The following USH2A variants were observed in gnomAD, a reference collection of about 807,000 sequenced individuals.
USH2A encodes usherin.
A neutral mutation model predicts 538.9 loss-of-function variants in USH2A; 443 were observed. The observed-to-expected ratio is 0.82, with a 90% CI of 0.76 to 0.89. The LOEUF (loss-of-function observed/expected upper bound fraction) is 0.89, where lower values mean the gene tolerates loss of function less well. Ranked by LOEUF, USH2A falls within the 40% of genes least tolerant of loss-of-function variation. The probability of loss-of-function intolerance (pLI) is 0.00; values close to 1 mark genes in which losing one functional copy is unlikely to be tolerated. For synonymous variants in USH2A, 2,413 were observed against 2,273.5 expected (o/e 1.06, Z -1.75); for missense variants, 6,633 against 6,324.8 (o/e 1.05, Z -1.65).
Position 216,302,686 on chromosome 1 carries a change from A to G in USH2A, c.1645-10316T>C, listed in dbSNP as rs147083026. ...TCATACATAGTTACTTCAATATTTC[A>G]ACTATTAATATAAGTGGCTATTTTT... On this transcript the variant is annotated intron_variant, in intron 9 of 71. Transcript: ENST00000307340. Among the ~76,000 whole-genome samples, 4 of 152,252 alleles carry G rather than the reference A, an allele frequency of 2.6e-5. No individual in the cohort carries two copies. The East Asian group carries it at 7.7e-4, about 29-fold the overall frequency.
intron 11 of USH2A, among the ~76,000 whole-genome samples, chr1:216,257,176 C>T (rs2036276212): frequency 6.6e-6 from 1 of 151,608 alleles, no homozygotes; most frequent in Non-Finnish European, 1.5e-5. Context: ...ATTTTATTTC[C>T]TACTGAAGGA....
At chr1:216,167,722 C>T (rs950378972) in intron 21 of USH2A, among the ~76,000 whole-genome samples, 3 of 152,082 alleles carry the variant, frequency 2.0e-5, no homozygotes, top group African/African-American at 7.2e-5. Context: ...ACTTTATTTC[C>T]TTTCATTCCT....
At chr1:216,044,022 C>T (rs932715029) in intron 32 of USH2A, among the ~76,000 whole-genome samples, 6 of 113,430 alleles carry the variant, frequency 5.3e-5, no homozygotes, top group Non-Finnish European at 7.9e-5. Flanking sequence ...CATTCTTTCA[C>T]TCTAACACTT....
At chr1:216,172,060 T>G (rs2034285467) in intron 21 of USH2A, among the ~76,000 whole-genome samples, 1 of 152,054 alleles carries the variant, frequency 6.6e-6, no homozygotes, top group Admixed American at 6.6e-5. Flanking sequence ...TTATTTACAG[T>G]ATTAAGCTTG....
chr1:216,125,493 G>A (rs895148221), intron 21 of USH2A, among the ~76,000 whole-genome samples: 7 of 152,190 alleles, frequency 4.6e-5, no homozygotes, highest in Admixed American at 3.9e-4. Flanking sequence ...AATGAAGGAG[G>A]ACCACTACAT....
At chr1:216,258,304 C>G (rs1057374022) in intron 11 of USH2A, among the ~76,000 whole-genome samples, 1 of 152,070 alleles carries the variant, frequency 6.6e-6, no homozygotes, top group Non-Finnish European at 1.5e-5. Context: ...TTTGTGTACT[C>G]TTATCAAATA....
In USH2A at chr1:215,987,474, C is replaced by T. The variant is rs182169377; in HGVS notation, c.6805+5546G>A. 5.9e-5 allele frequency among the ~76,000 whole-genome samples: 9 copies of T among 152,192 alleles called. No homozygotes were observed. In the East Asian group the frequency reaches 1.7e-3, roughly 29 times the overall value. ...TCACAGCCTGTAAAGAACACCTTTGCCAGAGGGAACGTGGGTGCAAAGGAC... is the reference window on the plus strand; with the variant it reads ...TCACAGCCTGTAAAGAACACCTTTGTCAGAGGGAACGTGGGTGCAAAGGAC... On this transcript the variant is annotated intron_variant, in intron 35 of 71. Coordinates refer to ENST00000307340, the MANE Select transcript of USH2A (RefSeq NM_206933.4).
At chr1:215,777,502 T>C (rs941795857) in intron 55 of USH2A, among the ~76,000 whole-genome samples, 1 of 152,246 alleles carries the variant, frequency 6.6e-6, no homozygotes, top group Non-Finnish European at 1.5e-5. Flanking sequence ...GTGAAACCTT[T>C]GCTGGTACAG....
intron 44 of USH2A, among the ~76,000 whole-genome samples, chr1:215,858,358 G>A (rs561719075): frequency 6.6e-6 from 1 of 151,686 alleles, no homozygotes; most frequent in Non-Finnish European, 1.5e-5. Context: ...ATGTGTCAAG[G>A]GCAGGACCTG....
chr1:215,748,987 T>C (rs948835276), intron 58 of USH2A, among the ~76,000 whole-genome samples: 2 of 152,228 alleles, frequency 1.3e-5, no homozygotes, highest in Admixed American at 6.5e-5. Flanking sequence ...TCATATAAAG[T>C]TGCTATTCCA....
chr1:215,703,397 C>T (rs1421927935), intron 61 of USH2A, among the ~76,000 whole-genome samples: 3 of 152,202 alleles, frequency 2.0e-5, no homozygotes, highest in Admixed American at 6.5e-5. Context: ...TTTAAGTCTG[C>T]TGAAGTTGCA....
At chr1:215,878,006 GT>G in intron 42 of USH2A, 126 bp from the exon 43 acceptor site, 1 of 1,337,616 alleles carries the variant, frequency 7.5e-7, no homozygotes, top group Non-Finnish European at 1.0e-6. Context: ...AACATCTTAA[GT>G]TTACAGTTAC....
At chr1:216,062,515 G>GAATT (rs2031219007) in intron 30 of USH2A, among the ~76,000 whole-genome samples, 1 of 152,152 alleles carries the variant, frequency 6.6e-6, no homozygotes, top group East Asian at 1.9e-4. Flanking sequence ...AGGTAACTAT[G>GAATT]AATTCATTGA....
chr1:215,900,760 A>G lies in USH2A; in HGVS notation c.7446T>C (p.Phe2482=). The change falls in exon 39 of 72, where the codon TTT becomes TTC. Residue 2482 remains phenylalanine (F), a synonymous_variant. Transcript: ENST00000307340. The stretch of plus-strand genomic sequence containing the variant: ...GGACAAAGTAGAATGCTCACTCTAG[A>G]AATCCATGGGTGGAGTCGCCAGACC... The part of the protein sequence containing the change: ...QMRSGDSTHG[F]LELFSNPSAS... 6.2e-7 allele frequency: 1 copy of G among 1,613,618 alleles called. No homozygotes were observed. Among genetic ancestry groups the G allele is most frequent in the Middle Eastern group, 1.7e-4 (1 of 6,048 alleles).
At chr1:215,996,502 A>G (rs536604861) in intron 34 of USH2A, among the ~76,000 whole-genome samples, 1 of 142,904 alleles carries the variant, frequency 7.0e-6, no homozygotes, top group South Asian at 2.3e-4. Context: ...CTTTATTAGG[A>G]GCTATCACAT....
chr1:216,339,267 T>C (rs2038030683), intron 4 of USH2A, among the ~76,000 whole-genome samples: 2 of 151,564 alleles, frequency 1.3e-5, no homozygotes, highest in African/African-American at 4.8e-5. Flanking sequence ...TGTATTTTTA[T>C]ATATGTGCAT....
chr1:215,840,433 T>C (rs1663647266), intron 46 of USH2A, among the ~76,000 whole-genome samples: 1 of 152,048 alleles, frequency 6.6e-6, no homozygotes, highest in Admixed American at 6.6e-5. Flanking sequence ...TCACAAAAAA[T>C]ATAGTAATCA....
intron 61 of USH2A, among the ~76,000 whole-genome samples, chr1:215,714,378 T>A (rs762492585): frequency 6.6e-6 from 1 of 152,076 alleles, no homozygotes; most frequent in Non-Finnish European, 1.5e-5. Context: ...CAGAAGAAAG[T>A]GTGGGAGCCA....
At chr1:215,673,829 T>G (rs1191461094) in intron 63 of USH2A, among the ~76,000 whole-genome samples, 1 of 152,208 alleles carries the variant, frequency 6.6e-6, no homozygotes, top group Non-Finnish European at 1.5e-5. Flanking sequence ...ATCTCTGTCC[T>G]ACTTATTTCA....
Sources: gnomAD v4.1 joint callset for allele counts (sites outside exome capture counted in the v4.1 genomes callset) on GRCh38, gnomAD v4.1.1 for gene constraint, MANE v1.5 for transcripts, NCBI Gene and HGNC (gene_info 2026-07-23, HGNC 2026-07-21) for gene names.